The following SAMD12 variants were observed in gnomAD, a reference collection of about 807,000 sequenced individuals.
The protein encoded by SAMD12 is sterile alpha motif domain-containing protein 12.
Under a neutral mutation model 15.0 loss-of-function variants are expected in SAMD12, and 9 were observed. The observed-to-expected ratio is 0.60, with a 90% CI of 0.36 to 1.05. The LOEUF (loss-of-function observed/expected upper bound fraction) is 1.05. Among genes scored for constraint, SAMD12 ranks in the 50% least tolerant of loss-of-function variants. The pLI is 0.01. For synonymous variants in SAMD12, 86 were observed against 90.1 expected (o/e 0.96, Z 0.25); for missense variants, 230 against 234.2 (o/e 0.98, Z 0.12).
intron 4 of SAMD12, among the ~76,000 whole-genome samples, chr8:118,200,916 C>T (rs1819697824): frequency 6.6e-6 from 1 of 152,176 alleles, no homozygotes; most frequent in Admixed American, 6.5e-5. Flanking sequence ...ACCTCCCAGG[C>T]TCAAGTGATC....
Position 118,423,496 on chromosome 8 carries a change from C to T in SAMD12, c.322+16336G>A, listed in dbSNP as rs536280729. The stretch of plus-strand genomic sequence containing the variant: ...TTGAGAGGCTTTACCTTCTAAAATT[C>T]TACACAGCATCAATCCAGCCTTCTC... On this transcript the variant is annotated intron_variant, in intron 3 of 3. Transcript: ENST00000314727. 2.6e-5 allele frequency among the ~76,000 whole-genome samples: 4 copies of T among 152,284 alleles called. No individual in the cohort carries two copies. In the East Asian group the frequency reaches 5.8e-4, roughly 22 times the overall value.
intron 4 of SAMD12, among the ~76,000 whole-genome samples, chr8:118,251,474 G>A (rs1812818940): frequency 1.3e-5 from 2 of 152,064 alleles, no homozygotes; most frequent in South Asian, 2.1e-4. Flanking sequence ...TCCGTCTAGT[G>A]TTCACCAGGT....
intron 4 of SAMD12, among the ~76,000 whole-genome samples, chr8:118,288,518 G>A (rs1188213687): frequency 6.6e-6 from 1 of 152,180 alleles, no homozygotes; most frequent in Non-Finnish European, 1.5e-5. Flanking sequence ...AATTTCAGAT[G>A]TTTTGAAGAC....
At chr8:118,342,840 C>T (rs1250090644) in intron 4 of SAMD12, among the ~76,000 whole-genome samples, 1 of 152,136 alleles carries the variant, frequency 6.6e-6, no homozygotes, top group Non-Finnish European at 1.5e-5. Context: ...ATTACATCAA[C>T]AGGCTTTTGA....
chr8:118,316,665 A>G (rs1343072831), intron 4 of SAMD12, among the ~76,000 whole-genome samples: 1 of 152,126 alleles, frequency 6.6e-6, no homozygotes, highest in Non-Finnish European at 1.5e-5. Context: ...GTTAACTGGT[A>G]CAACCACTTG....
intron 2 of SAMD12, among the ~76,000 whole-genome samples, chr8:118,557,473 A>C (rs915482098): frequency 6.6e-6 from 1 of 152,182 alleles, no homozygotes; most frequent in Non-Finnish European, 1.5e-5. Flanking sequence ...GTTGGAGTAG[A>C]TCTGAGAAGC....
chr8:118,587,108 T>C (rs1827470172), intron 1 of SAMD12, among the ~76,000 whole-genome samples: 1 of 152,178 alleles, frequency 6.6e-6, no homozygotes, highest in South Asian at 2.1e-4. Flanking sequence ...GCTAAATGAA[T>C]CAGTGACCTT....
intron 2 of SAMD12, among the ~76,000 whole-genome samples, chr8:118,485,653 C>G (rs1272422487): frequency 6.6e-6 from 1 of 152,092 alleles, no homozygotes; most frequent in Non-Finnish European, 1.5e-5. Flanking sequence ...ACGGGCAGTT[C>G]TAGCAGCCGA....
At chr8:118,542,076 G>A (rs1217667807) in intron 2 of SAMD12, among the ~76,000 whole-genome samples, 1 of 152,166 alleles carries the variant, frequency 6.6e-6, no homozygotes, top group Admixed American at 6.5e-5. Flanking sequence ...CTAGAGGGTA[G>A]GCATATGTCC....
chr8:118,288,089 T>A (rs550004512), intron 4 of SAMD12: 1 of 152,294 alleles, frequency 6.6e-6, no homozygotes, highest in Admixed American at 6.5e-5. Flanking sequence ...AATTTTTATA[T>A]CATAAAAATT....
At chr8:118,288,554 A>G (rs988287562) in intron 4 of SAMD12, among the ~76,000 whole-genome samples, 4 of 152,232 alleles carry the variant, frequency 2.6e-5, no homozygotes, top group Admixed American at 6.5e-5. Flanking sequence ...TTAGTCCACA[A>G]TAACTAGCAA....
At chr8:118,340,303 G>T (rs901268330) in intron 4 of SAMD12, among the ~76,000 whole-genome samples, 10 of 151,860 alleles carry the variant, frequency 6.6e-5, no homozygotes, top group Admixed American at 5.2e-4. Flanking sequence ...GTTACCAGGG[G>T]TGACAAATTC....
intron 4 of SAMD12, among the ~76,000 whole-genome samples, chr8:118,247,559 TA>T (rs1190173633): frequency 4.0e-5 from 6 of 151,680 alleles, no homozygotes; most frequent in African/African-American, 1.2e-4. Context: ...CAATTAAAAA[TA>T]AAAAAAACTT....
intron 1 of SAMD12, 89 bp downstream of exon 1, chr8:118,621,715 T>C (rs949920061): frequency 4.3e-5 from 64 of 1,481,398 alleles, no homozygotes; most frequent in Non-Finnish European, 5.7e-5. Flanking sequence ...TTTCCTCGCC[T>C]CCCCACGATC....
chr8:118,502,232 A>C (rs1013567384), intron 2 of SAMD12, among the ~76,000 whole-genome samples: 25 of 151,500 alleles, frequency 1.7e-4, no homozygotes, highest in Admixed American at 8.6e-4. Flanking sequence ...AGAGAGAAGC[A>C]ATCTTTTAGG....
At chr8:118,366,891 A>AAATAAAATAAAAT (rs1818825595) in intron 4 of SAMD12, among the ~76,000 whole-genome samples, 1 of 94,454 alleles carries the variant, frequency 1.1e-5, no homozygotes. Flanking sequence ...TAATAAAATA[A>AAATAAAATAAAAT]AATAAAATAA....
intron 4 of SAMD12, among the ~76,000 whole-genome samples, chr8:118,269,303 C>T (rs538790851): frequency 1.3e-4 from 19 of 150,704 alleles, no homozygotes; most frequent in East Asian, 3.9e-4. Flanking sequence ...GACCTGCTTT[C>T]GCTGTTTTTG....
chr8:118,363,365 C>T (rs1818600985), intron 4 of SAMD12, among the ~76,000 whole-genome samples: 1 of 152,076 alleles, frequency 6.6e-6, no homozygotes, highest in Non-Finnish European at 1.5e-5. Flanking sequence ...CTCCCCATGT[C>T]AATGGTCTTC....
the SAMD12 span, among the ~76,000 whole-genome samples, chr8:118,179,792 T>C: frequency 6.6e-6 from 1 of 152,292 alleles, no homozygotes; most frequent in East Asian, 1.9e-4. Flanking sequence ...CTAGGCAGGA[T>C]TTTTGGATCA....
Sources: gnomAD v4.1 joint callset for allele counts (sites outside exome capture counted in the v4.1 genomes callset) on GRCh38, gnomAD v4.1.1 for gene constraint, MANE v1.5 for transcripts, NCBI Gene and HGNC (gene_info 2026-07-23, HGNC 2026-07-21) for gene names.